UBXN4: variants seen among roughly 807,000 people sequenced by gnomAD.
The protein encoded by UBXN4 is UBX domain-containing protein 4.
A neutral mutation model predicts 66.2 loss-of-function variants in UBXN4; 35 were observed. That is an observed-to-expected ratio of 0.53 (90% CI 0.40 to 0.70). The LOEUF is 0.70. UBXN4 is among the 30% of genes least tolerant of loss of function. The pLI is 0.00. For missense variants in UBXN4, 533 were observed against 599.8 expected (o/e 0.89, Z 1.16); for synonymous variants, 203 against 204.5 (o/e 0.99, Z 0.06).
chr2:135,769,623 G>T, intron 6 of UBXN4, 146 bp from the exon 7 acceptor site: 1 of 553,048 alleles, frequency 1.8e-6, no homozygotes. Flanking sequence ...GTAGGGGCCT[G>T]AAGCCAGGCA....
intron 11 of UBXN4, 107 bp from the exon 12 acceptor site, chr2:135,780,076 A>G: frequency 9.5e-7 from 1 of 1,051,034 alleles, no homozygotes; most frequent in Non-Finnish European, 1.4e-6. Flanking sequence ...GAAGTAAACT[A>G]AAATTGGTAG....
chr2:135,771,186 T>G (rs1464323821), intron 8 of UBXN4, among the ~76,000 whole-genome samples: 3 of 152,110 alleles, frequency 2.0e-5, no homozygotes, highest in Non-Finnish European at 4.4e-5. Context: ...GCAATACATA[T>G]TAAAACCATC....
intron 6 of UBXN4, among the ~76,000 whole-genome samples, chr2:135,766,117 C>T (rs1206399377): frequency 2.6e-5 from 4 of 150,948 alleles, no homozygotes; most frequent in Admixed American, 1.3e-4. Flanking sequence ...TATGCCATTG[C>T]ACTCCAGCGT....
At position 135,766,680 on chromosome 2, in the gene UBXN4, A is replaced by G. The variant is rs916049360; in HGVS notation, c.603-3089A>G. On this transcript the variant is annotated intron_variant, in intron 6 of 12. Transcript: ENST00000272638. ...TAATGTTTTGTCCTTTCCATTACTCATATCAGGAGACAAGTAATATGAGAT... is the reference window on the plus strand; with the variant it reads ...TAATGTTTTGTCCTTTCCATTACTCGTATCAGGAGACAAGTAATATGAGAT... Among the ~76,000 whole-genome samples, 44 of 152,226 alleles carry G rather than the reference A, an allele frequency of 2.9e-4. 1 individual carries two copies. Among genetic ancestry groups the G allele is most frequent in the African/African-American group, 1.1e-3 (44 of 41,456 alleles).
At chr2:135,773,984 ACTC>A (rs2077398068) in intron 9 of UBXN4, among the ~76,000 whole-genome samples, 1 of 152,184 alleles carries the variant, frequency 6.6e-6, no homozygotes, top group African/African-American at 2.4e-5. Context: ...TAGATTCAAC[ACTC>A]CTATCAAAAT....
At chr2:135,776,523 G>A (rs903037333) in intron 10 of UBXN4, among the ~76,000 whole-genome samples, 172 bp downstream of exon 10, 3 of 152,232 alleles carry the variant, frequency 2.0e-5, no homozygotes, top group African/African-American at 7.2e-5. Context: ...AGTGCATATG[G>A]GAGTAACATA....
chr2:135,764,147 TAAA>T (rs2077333597), intron 6 of UBXN4, among the ~76,000 whole-genome samples: 1 of 119,538 alleles, frequency 8.4e-6, no homozygotes, highest in African/African-American at 2.9e-5. Context: ...TAAAATAAAA[TAAA>T]AAATAAAGCA....
chr2:135,771,942 C>A (rs1345192062), intron 8 of UBXN4, among the ~76,000 whole-genome samples: 1 of 152,104 alleles, frequency 6.6e-6, no homozygotes, highest in Non-Finnish European at 1.5e-5. Context: ...TCCTTGTTTC[C>A]TTAATAATAA....
chr2:135,778,369 T>A (rs990805897), intron 10 of UBXN4, among the ~76,000 whole-genome samples: 1 of 152,156 alleles, frequency 6.6e-6, no homozygotes, highest in Admixed American at 6.5e-5. Flanking sequence ...GTCTAAGATT[T>A]TACAAGTGAT....
At chr2:135,754,073 C>A (rs1429236560) in intron 3 of UBXN4, 86 bp from the exon 4 acceptor site, 1 of 916,534 alleles carries the variant, frequency 1.1e-6, no homozygotes, top group African/African-American at 1.7e-5. Context: ...TCACAAAGAT[C>A]ATTTGTTTTC....
chr2:135,745,875 C>CTT (rs59946844), intron 1 of UBXN4, among the ~76,000 whole-genome samples: 14,857 of 72,984 alleles, frequency 0.2, 3,516 homozygotes, highest in Middle Eastern at 0.41. Context: ...GTCCCGTTTA[C>CTT]TTTTTTTTTT....
rs1575321858 is a variant in UBXN4, at chr2:135,770,824, A to G, written c.822+89A>G. On this transcript the variant is annotated intron_variant, in intron 8 of 12. Transcript: ENST00000272638. ...TACCAGACTGTGCACACAAAAATAG[A>G]TTTTAGTGACTCATAGACTACCAAT... 6 of 1,241,110 alleles carry G rather than the reference A, an allele frequency of 4.8e-6. No homozygotes were observed. The East Asian group carries it at 1.9e-4, about 39-fold the overall frequency. 76.9% of individuals were successfully genotyped at this position (1,241,110 alleles called of 1,614,324 possible). A position where few individuals can be genotyped will look rare whatever the true frequency, so the allele number is the denominator to read the frequency against.
rs373377908 is a variant in UBXN4, at chr2:135,778,967, G to A, written c.1073G>A (p.Gly358Asp). 1.2e-6 allele frequency: 2 copies of A among 1,612,330 alleles called. No individual in the cohort carries two copies. Among genetic ancestry groups the A allele is most frequent in the Non-Finnish European group, 1.7e-6 (2 of 1,179,436 alleles). ...TTACAGACTGTTGGCAACACTTACG[G>A]TAATTTTTCGTTAGCAACCATGTTT... is the stretch of plus-strand genomic sequence containing the variant. ...FAAQTVGNTY[G>D]NFSLATMFPR... The change falls in exon 11 of 13, where the codon GGT becomes GAT. Residue 358 changes from glycine (G) to aspartate (D), a missense_variant. Physicochemically the swap from Gly to Asp is moderately conservative, Grantham distance 94 (BLOSUM62 -1). Coordinates refer to ENST00000272638, the MANE Select transcript of UBXN4 (RefSeq NM_014607.4).
chr2:135,756,289 C>T (rs1484483717), intron 5 of UBXN4, among the ~76,000 whole-genome samples: 1 of 152,024 alleles, frequency 6.6e-6, no homozygotes, highest in East Asian at 1.9e-4. Flanking sequence ...ATATTAGTGT[C>T]CTAAAAGATG....
chr2:135,774,360 G>A (rs1244045623), intron 9 of UBXN4, among the ~76,000 whole-genome samples: 1 of 151,930 alleles, frequency 6.6e-6, no homozygotes, highest in Non-Finnish European at 1.5e-5. Flanking sequence ...TTAACTTAAT[G>A]GATCATCTAC....
At chr2:135,778,233 T>C (rs557276750) in intron 10 of UBXN4, among the ~76,000 whole-genome samples, 15 of 150,656 alleles carry the variant, frequency 1.0e-4, no homozygotes, top group African/African-American at 3.7e-4. Context: ...AGTACAGTTA[T>C]CAAGTTTTGT....
rs970294808 is a variant in UBXN4, at chr2:135,777,816, G to C, written c.1054-1132G>C. ...GAGAATCGCTTGAACCCAGGAGGCA[G>C]AGGTTGCAGTGAGCTGAGATTGCGC... On this transcript the variant is annotated intron_variant, in intron 10 of 12. Coordinates refer to ENST00000272638, the MANE Select transcript of UBXN4 (RefSeq NM_014607.4). Among the ~76,000 whole-genome samples, 44 of 151,658 alleles carry C rather than the reference G, an allele frequency of 2.9e-4. 1 individual carries two copies. The highest frequency in any genetic ancestry group is 1.1e-3 in the African/African-American group (44 of 41,240).
intron 12 of UBXN4, among the ~76,000 whole-genome samples, chr2:135,782,306 A>C (rs180858297): frequency 2.8e-4 from 42 of 152,320 alleles, no homozygotes; most frequent in African/African-American, 8.9e-4. Flanking sequence ...GTTTATAAAT[A>C]AGTCATTCTT....
At chr2:135,757,276 C>T (rs61390484) in intron 5 of UBXN4, among the ~76,000 whole-genome samples, 3,840 of 152,202 alleles carry the variant, frequency 0.025, 172 homozygotes, top group African/African-American at 0.089. Context: ...TGATGTTAAG[C>T]CCATCCAGTG....
Sources: gnomAD v4.1 joint callset for allele counts (sites outside exome capture counted in the v4.1 genomes callset) on GRCh38, gnomAD v4.1.1 for gene constraint, MANE v1.5 for transcripts, NCBI Gene and HGNC (gene_info 2026-07-23, HGNC 2026-07-21) for gene names.